Variants in ANXA4 observed in about 807,000 individuals in gnomAD.
ANXA4 encodes the protein 35-beta calcimedin.
In ANXA4, 39 loss-of-function variants were observed where a neutral mutation model predicts 49.8. The ratio of observed to expected loss-of-function variants is 0.78; its 90% CI spans 0.61 to 1.02. The LOEUF (loss-of-function observed/expected upper bound fraction) is 1.02. Among genes scored for constraint, ANXA4 ranks in the 50% least tolerant of loss-of-function variants. The probability of loss-of-function intolerance (pLI) is 0.00; values close to 1 mark genes in which losing one functional copy is unlikely to be tolerated. For synonymous variants in ANXA4, 134 were observed against 152.5 expected, an observed-to-expected ratio of 0.88 and a Z score of 0.89; for missense variants, 360 against 410.1, an observed-to-expected ratio of 0.88 and a Z score of 1.05.
intron 2 of ANXA4, among the ~76,000 whole-genome samples, chr2:69,674,780 AATT>A (rs1447353364): frequency 6.6e-6 from 1 of 152,092 alleles, no homozygotes; most frequent in African/African-American, 2.4e-5. Context: ...TTCTCTTCTA[AATT>A]ATTAACCTGT....
At chr2:69,680,943 G>A (rs544091994) in intron 2 of ANXA4, among the ~76,000 whole-genome samples, 1 of 152,086 alleles carries the variant, frequency 6.6e-6, no homozygotes, top group African/African-American at 2.4e-5. Context: ...GTGTTCATCG[G>A]GGATAATGAC....
intron 2 of ANXA4, among the ~76,000 whole-genome samples, chr2:69,668,225 T>C (rs1397529531): frequency 6.6e-6 from 1 of 152,224 alleles, no homozygotes; most frequent in East Asian, 1.9e-4. Flanking sequence ...AATTCAGTCA[T>C]TTCCCCTCCA....
chr2:69,696,985 T>C (rs115261738), intron 2 of ANXA4, among the ~76,000 whole-genome samples: 1 of 152,140 alleles, frequency 6.6e-6, no homozygotes, highest in South Asian at 2.1e-4. Flanking sequence ...ATTTCCAGAA[T>C]GGTAAATGAG....
At chr2:69,738,509 A>G (rs1283369662), upstream of ANXA4, among the ~76,000 whole-genome samples, 1 of 151,650 alleles carries the variant, frequency 6.6e-6, no homozygotes, top group Non-Finnish European at 1.5e-5. Flanking sequence ...AATTCTTTGC[A>G]CCCTCCCACC....
chr2:69,664,601 G>A (rs564417002), intron 2 of ANXA4, among the ~76,000 whole-genome samples: 5 of 152,186 alleles, frequency 3.3e-5, no homozygotes, highest in East Asian at 1.9e-4. Context: ...TACTATTGAC[G>A]GTATACAATT....
At chr2:69,663,293 C>CTTTTT (rs55970370) in intron 2 of ANXA4, among the ~76,000 whole-genome samples, 519 of 42,832 alleles carry the variant, frequency 0.012, 105 homozygotes, top group Middle Eastern at 0.056. Context: ...TGCACCCGGC[C>CTTTTT]TTTTTTTTTT....
chr2:69,721,384 G>A (rs1452102674), intron 3 of ANXA4, among the ~76,000 whole-genome samples: 1 of 152,202 alleles, frequency 6.6e-6, no homozygotes, highest in Non-Finnish European at 1.5e-5. Context: ...TTCACGTAGA[G>A]CAGCAATAAC....
chr2:69,671,730 A>G (rs900419608), intron 2 of ANXA4, among the ~76,000 whole-genome samples: 3 of 152,070 alleles, frequency 2.0e-5, no homozygotes, highest in African/African-American at 2.4e-5. Flanking sequence ...CTCAAAAAAT[A>G]TATATATATA....
intron 1 of ANXA4, among the ~76,000 whole-genome samples, chr2:69,743,340 C>T (rs1470015692): frequency 6.6e-6 from 1 of 152,154 alleles, no homozygotes; most frequent in African/African-American, 2.4e-5. Context: ...GCCTCAGCCT[C>T]CCGAGTAGCT....
intron 3 of ANXA4, among the ~76,000 whole-genome samples, chr2:69,731,447 G>A (rs1326084145): frequency 6.6e-6 from 1 of 152,208 alleles, no homozygotes; most frequent in Non-Finnish European, 1.5e-5. Flanking sequence ...ACTATTTGCA[G>A]CTGCTTTGTT....
chr2:69,656,227 ATG>A (rs1362649383), intron 2 of ANXA4, among the ~76,000 whole-genome samples: 2 of 134,062 alleles, frequency 1.5e-5, no homozygotes, highest in African/African-American at 5.6e-5. Flanking sequence ...ATATGTATAT[ATG>A]TATATATATA....
chr2:69,716,675 G>A (rs546044797), intron 2 of ANXA4, among the ~76,000 whole-genome samples: 1 of 152,112 alleles, frequency 6.6e-6, no homozygotes, highest in Non-Finnish European at 1.5e-5. Context: ...GGAGGGCAGC[G>A]GATTAGTTAT....
chr2:69,762,893 A>G (rs1671354539), intron 1 of ANXA4, among the ~76,000 whole-genome samples: 1 of 151,892 alleles, frequency 6.6e-6, no homozygotes, highest in Non-Finnish European at 1.5e-5. Context: ...ATACTCACTC[A>G]CACTCACATA....
At chr2:69,754,985 G>T (rs1363348488) in intron 1 of ANXA4, among the ~76,000 whole-genome samples, 1 of 152,154 alleles carries the variant, frequency 6.6e-6, no homozygotes, top group Non-Finnish European at 1.5e-5. Flanking sequence ...GGCTCTAAAT[G>T]TTGGTCTTGA....
At chr2:69,739,458 C>T (rs149086158), upstream of ANXA4, among the ~76,000 whole-genome samples, 1 of 152,124 alleles carries the variant, frequency 6.6e-6, no homozygotes, top group African/African-American at 2.4e-5. Flanking sequence ...GTCACCCAGG[C>T]TGGAGTGCAG....
chr2:69,659,328 CTATT>C (rs1676625797), intron 2 of ANXA4, among the ~76,000 whole-genome samples: 1 of 152,122 alleles, frequency 6.6e-6, no homozygotes, highest in Non-Finnish European at 1.5e-5. Context: ...AAAGAATATG[CTATT>C]TATTACTTAT....
chr2:69,709,292 CTA>C (rs1441044422), intron 2 of ANXA4, among the ~76,000 whole-genome samples: 3 of 152,204 alleles, frequency 2.0e-5, no homozygotes, highest in African/African-American at 7.2e-5. Context: ...CAAAATACAT[CTA>C]TAAAGTTTAC....
At chr2:69,788,934 T>C (rs1197902899) in intron 3 of ANXA4, among the ~76,000 whole-genome samples, 1 of 150,826 alleles carries the variant, frequency 6.6e-6, no homozygotes, top group Middle Eastern at 3.2e-3. Context: ...ATGGAACAAG[T>C]TGAGATAAGT....
At chr2:69,664,823 C>T (rs1676875508) in intron 2 of ANXA4, among the ~76,000 whole-genome samples, 1 of 152,164 alleles carries the variant, frequency 6.6e-6, no homozygotes, top group Non-Finnish European at 1.5e-5. Context: ...GCTATGTTGG[C>T]CAGGCGCAGT....
Sources: allele counts gnomAD v4.1 joint callset (sites outside exome capture counted in the v4.1 genomes callset), GRCh38; gene constraint gnomAD v4.1.1; transcripts MANE v1.5; gene names NCBI Gene and HGNC (gene_info 2026-07-23, HGNC 2026-07-21).